SPART: variants seen among roughly 807,000 people sequenced by gnomAD.
SPART encodes spartin, also known as spastic paraplegia 20 (Troyer syndrome).
SPART carries 35 observed loss-of-function variants against 58.7 expected under a neutral mutation model. The observed-to-expected ratio is 0.60, with a 90% CI of 0.46 to 0.79. The LOEUF is 0.79. SPART is among the 30% of genes least tolerant of loss of function. The pLI, the probability that SPART is intolerant of heterozygous loss-of-function variation, is 0.00. For missense variants in SPART, 730 were observed against 786.1 expected (o/e 0.93, Z 0.85); for synonymous variants, 284 against 280.7 (o/e 1.01, Z -0.12).
At position 36,337,846 on chromosome 13, in the gene SPART, T is replaced by C. The variant is rs138900808; in HGVS notation, c.-2-2014A>G. Among the ~76,000 whole-genome samples the C allele has an allele frequency of 5.9e-5, 9 of 152,344 alleles. 1 individual carries two copies. In the East Asian group the frequency reaches 1.5e-3, roughly 26 times the overall value. ...GATACACTGAAAAGCTGTGAAGTGC[T>C]TCCTTCAAGTGAAAAGGTTAAAGTT... is the stretch of plus-strand genomic sequence containing the variant. On this transcript the variant is annotated intron_variant, in intron 1 of 8. Coordinates refer to ENST00000438666, the MANE Select transcript of SPART (RefSeq NM_015087.5).
intron 1 of SPART, among the ~76,000 whole-genome samples, chr13:36,341,863 C>G (rs979712218): frequency 2.0e-5 from 3 of 152,124 alleles, no homozygotes; most frequent in Admixed American, 2.0e-4. Context: ...ACCCCACAAC[C>G]CCTATCAATA....
intron 5 of SPART, among the ~76,000 whole-genome samples, chr13:36,322,401 A>AGCGTCACT (rs1470740255): frequency 2.6e-5 from 4 of 152,116 alleles, no homozygotes; most frequent in Non-Finnish European, 5.9e-5. Context: ...GAGCTGAGAT[A>AGCGTCACT]GCGTCACTGC....
At chr13:36,326,838 A>G in intron 4 of SPART, 140 bp from the exon 5 acceptor site, 1 of 905,940 alleles carries the variant, frequency 1.1e-6, no homozygotes, top group Non-Finnish European at 1.7e-6. Flanking sequence ...AGTTACCAGT[A>G]TGGTCTTATA....
chr13:36,362,373 A>C (rs1885898737), intron 1 of SPART, among the ~76,000 whole-genome samples: 2 of 103,948 alleles, frequency 1.9e-5, no homozygotes, highest in Non-Finnish European at 4.0e-5. Context: ...AAAAATACCC[A>C]TGTTATGGAA....
chr13:36,329,854 C>A (rs1883301864), intron 3 of SPART, among the ~76,000 whole-genome samples: 3 of 152,234 alleles, frequency 2.0e-5, no homozygotes, highest in Admixed American at 2.0e-4. Context: ...TTAACATGTA[C>A]AAGAGAAAGT....
chr13:36,341,344 T>G (rs1884566462), intron 1 of SPART, among the ~76,000 whole-genome samples: 1 of 152,234 alleles, frequency 6.6e-6, no homozygotes, highest in African/African-American at 2.4e-5. Context: ...TGAAGTTAAT[T>G]TCAATGATAG....
chr13:36,333,011 C>CT (rs951064943), intron 2 of SPART, among the ~76,000 whole-genome samples: 21 of 147,780 alleles, frequency 1.4e-4, no homozygotes, highest in Admixed American at 2.7e-4. Context: ...AAAGGTTTTT[C>CT]TTTTTTTTTT....
intron 1 of SPART, among the ~76,000 whole-genome samples, chr13:36,361,003 A>C (rs1459268995): frequency 6.6e-6 from 1 of 152,156 alleles, no homozygotes; most frequent in Non-Finnish European, 1.5e-5. Flanking sequence ...ATATTTCTCC[A>C]ATACTCACAT....
At position 36,335,157 on chromosome 13, in the gene SPART, G is replaced by T. The variant is rs776312598; in HGVS notation, c.674C>A (p.Pro225Gln). Reference sequence around the variant, plus strand: ...TACAAAAAAAATCTGTACTCCATTTGGTATCAAAATCAATTCATCTGCATC... The same window carrying T: ...TACAAAAAAAATCTGTACTCCATTTTGTATCAAAATCAATTCATCTGCATC... The part of the protein sequence containing the change: ...GLDADELILI[P>Q]NGVQIFFVNP... The change falls in exon 2 of 9, where the codon CCA (proline) becomes CAA (glutamine). Residue 225 changes from proline (P) to glutamine (Q), a missense_variant. Transcript: ENST00000438666. 1.2e-6 allele frequency: 2 copies of T among 1,614,044 alleles called. No individual in the cohort carries two copies. The highest frequency in any genetic ancestry group is 1.7e-6 in the Non-Finnish European group (2 of 1,179,996).
chr13:36,314,054 G>C (rs571386811), intron 6 of SPART, 173 bp downstream of exon 6: 25 of 650,774 alleles, frequency 3.8e-5, no homozygotes, highest in Admixed American at 5.7e-5. Context: ...CAGATAGGAC[G>C]ATGTGATGTT....
intron 1 of SPART, among the ~76,000 whole-genome samples, chr13:36,338,678 C>A (rs2137585373): frequency 6.6e-6 from 1 of 152,146 alleles, no homozygotes; most frequent in East Asian, 1.9e-4. Context: ...AGGGTAAAAA[C>A]CAAAAGCAGG....
intron 5 of SPART, 169 bp downstream of exon 5, chr13:36,326,406 T>C: frequency 1.4e-6 from 1 of 727,858 alleles, no homozygotes; most frequent in Non-Finnish European, 2.2e-6. Flanking sequence ...TATATGACAA[T>C]ATCTGATGTT....
intron 1 of SPART, among the ~76,000 whole-genome samples, chr13:36,341,695 A>C (rs1187704299): frequency 6.6e-6 from 1 of 152,222 alleles, no homozygotes; most frequent in East Asian, 1.9e-4. Flanking sequence ...AAATTGGTCT[A>C]GCTTCCGATT....
intron 5 of SPART, among the ~76,000 whole-genome samples, chr13:36,324,886 C>A (rs911352596): frequency 6.6e-6 from 1 of 152,004 alleles, no homozygotes; most frequent in African/African-American, 2.4e-5. Flanking sequence ...GTGGGGGTCG[C>A]AAGGTGCTCA....
chr13:36,318,001 G>A (rs12429655), intron 5 of SPART, among the ~76,000 whole-genome samples: 20,642 of 151,942 alleles, frequency 0.14, 1,463 homozygotes, highest in Admixed American at 0.18. Context: ...AGTGCAACTC[G>A]TCCCAAATCT....
intron 5 of SPART, among the ~76,000 whole-genome samples, chr13:36,316,592 G>A (rs146170480): frequency 2.0e-5 from 3 of 151,862 alleles, no homozygotes; most frequent in Non-Finnish European, 2.9e-5. Flanking sequence ...ACCTGACAGA[G>A]AACAAACCCC....
At chr13:36,309,112 C>G (rs923493974) in intron 8 of SPART, among the ~76,000 whole-genome samples, 1 of 151,860 alleles carries the variant, frequency 6.6e-6, no homozygotes, top group African/African-American at 2.4e-5. Context: ...GTCATGGTGG[C>G]GGACACCTGT....
rs78946145 is a variant in SPART at position 36,304,262 on chromosome 13, T to C, written c.*103A>G. The stretch of plus-strand genomic sequence containing the variant: ...AAGTTAATTTGTAGGAATGAATACA[T>C]TTAAAAAATACTGGTTAATCTGTGA... On this transcript the variant is annotated 3_prime_UTR_variant, in exon 9 of 9. Transcript: ENST00000438666. The C allele has an allele frequency of 1.5e-5, 20 of 1,365,800 alleles. No individual in the cohort carries two copies. In the East Asian group the frequency reaches 3.4e-4, roughly 23 times the overall value. The allele number at this position is 1,365,800 out of a possible 1,614,324, so 84.6% of individuals were successfully genotyped here.
chr13:36,331,110 C>T (rs1267437376), intron 3 of SPART, among the ~76,000 whole-genome samples: 1 of 152,166 alleles, frequency 6.6e-6, no homozygotes, highest in Admixed American at 6.5e-5. Flanking sequence ...CTGTTATTAT[C>T]CCCATTTTAT....
Sources: gnomAD v4.1 joint callset for allele counts (sites outside exome capture counted in the v4.1 genomes callset) on GRCh38, gnomAD v4.1.1 for gene constraint, MANE v1.5 for transcripts, NCBI Gene and HGNC (gene_info 2026-07-23, HGNC 2026-07-21) for gene names.